Variants in GRM7 observed in about 807,000 individuals in gnomAD.
The protein encoded by GRM7 is glutamate metabotropic receptor 7.
Under a neutral mutation model 84.5 loss-of-function variants are expected in GRM7, and 35 were observed. That is an observed-to-expected ratio of 0.41 (90% CI 0.32 to 0.55). The LOEUF (loss-of-function observed/expected upper bound fraction) is 0.55. Among genes scored for constraint, GRM7 ranks in the 20% least tolerant of loss-of-function variants. The probability of loss-of-function intolerance (pLI) is 0.19; values close to 1 mark genes in which losing one functional copy is unlikely to be tolerated. For missense variants in GRM7, 1,003 were observed against 1,194.6 expected, an observed-to-expected ratio of 0.84 and a Z score of 2.36; for synonymous variants, 487 against 455.1, an observed-to-expected ratio of 1.07 and a Z score of -0.89.
At chr3:7,737,861 T>C (rs1702556260) in intron 9 of GRM7, among the ~76,000 whole-genome samples, 1 of 151,814 alleles carries the variant, frequency 6.6e-6, no homozygotes, top group African/African-American at 2.4e-5. Context: ...TTTTTTTTTT[T>C]TTTGACACAA....
chr3:7,073,757 G>A (rs527537337), intron 1 of GRM7, among the ~76,000 whole-genome samples: 62 of 152,224 alleles, frequency 4.1e-4, no homozygotes, highest in Admixed American at 9.8e-4. Flanking sequence ...TCTGATTAAC[G>A]TGAAGAGGTT....
chr3:7,311,388 CA>C (rs1700386875), intron 4 of GRM7, among the ~76,000 whole-genome samples: 1 of 150,126 alleles, frequency 6.7e-6, no homozygotes, highest in Non-Finnish European at 1.5e-5. Flanking sequence ...AACAGGCAGG[CA>C]GACCATACAT....
At chr3:7,229,759 A>ATATATATATATT (rs1434216248) in intron 2 of GRM7, among the ~76,000 whole-genome samples, 2 of 30,426 alleles carry the variant, frequency 6.6e-5, no homozygotes, top group Admixed American at 5.4e-4. Context: ...ATATATATAT[A>ATATATATATATT]TTTTTTTTTT....
At chr3:7,437,665 G>A (rs1018204367) in intron 5 of GRM7, among the ~76,000 whole-genome samples, 12 of 151,522 alleles carry the variant, frequency 7.9e-5, no homozygotes, top group East Asian at 1.9e-4. Context: ...GCTGATTCAC[G>A]TCTGCCTGGT....
At chr3:7,285,445 T>C (rs751636235) in intron 2 of GRM7, among the ~76,000 whole-genome samples, 1 of 152,258 alleles carries the variant, frequency 6.6e-6, no homozygotes, top group Admixed American at 6.5e-5. Context: ...AGATCATACA[T>C]GACAATCAAA....
intron 1 of GRM7, among the ~76,000 whole-genome samples, chr3:6,999,596 A>G (rs940587207): frequency 6.6e-6 from 1 of 152,190 alleles, no homozygotes; most frequent in African/African-American, 2.4e-5. Context: ...TAATTTATAA[A>G]GGAAAAAGGC....
At chr3:6,907,240 A>C (rs73017721) in intron 1 of GRM7, among the ~76,000 whole-genome samples, 5,700 of 152,252 alleles carry the variant, frequency 0.037, 154 homozygotes, top group Non-Finnish European at 0.055. Flanking sequence ...TTCTTGAAAA[A>C]ATAAAAATAC....
At chr3:7,272,851 T>G (rs557346164) in intron 2 of GRM7, among the ~76,000 whole-genome samples, 1 of 152,178 alleles carries the variant, frequency 6.6e-6, no homozygotes, top group South Asian at 2.1e-4. Flanking sequence ...TTTCATTGAT[T>G]TCTGCTCTAA....
At chr3:7,606,615 C>T (rs1696587002) in intron 8 of GRM7, among the ~76,000 whole-genome samples, 1 of 152,126 alleles carries the variant, frequency 6.6e-6, no homozygotes, top group South Asian at 2.1e-4. Flanking sequence ...CTCACTGCAA[C>T]CTCTGCCTCC....
intron 2 of GRM7, among the ~76,000 whole-genome samples, chr3:7,230,865 C>A (rs1364136030): frequency 6.6e-6 from 1 of 152,028 alleles, no homozygotes; most frequent in African/African-American, 2.4e-5. Flanking sequence ...TGCATAAAAC[C>A]CTTTTAGTAT....
rs79446627 is a variant in GRM7, at chr3:7,643,728, A to C, written c.2452-36321A>C. Among the ~76,000 whole-genome samples, 453 of 152,250 alleles carry C rather than the reference A, an allele frequency of 3.0e-3. 2 individuals are homozygous for C. The highest frequency in any genetic ancestry group is 0.01 in the African/African-American group (435 of 41,548). On this transcript the variant is annotated intron_variant, in intron 8 of 9. Transcript: ENST00000357716. ...CACTTTATAAATCATCAAGCATCCA[A>C]ATAAGAGGTTATTAATATCACTATC...
chr3:7,639,812 A>C (rs1002727772), intron 8 of GRM7, among the ~76,000 whole-genome samples: 31 of 152,152 alleles, frequency 2.0e-4, no homozygotes, highest in African/African-American at 7.5e-4. Context: ...GCCCACAACA[A>C]GATATAGATT....
chr3:7,114,353 T>C (rs1177234412), intron 1 of GRM7, among the ~76,000 whole-genome samples: 1 of 152,168 alleles, frequency 6.6e-6, no homozygotes, highest in Non-Finnish European at 1.5e-5. Context: ...TTGTTAAAAA[T>C]AATAATCATT....
chr3:7,586,376 C>T (rs962441304), intron 8 of GRM7, among the ~76,000 whole-genome samples: 8 of 149,338 alleles, frequency 5.4e-5, no homozygotes, highest in African/African-American at 2.0e-4. Context: ...AAGACTTGTA[C>T]ATGAGGGGTT....
At chr3:7,134,073 C>A (rs1693691632) in intron 1 of GRM7, among the ~76,000 whole-genome samples, 1 of 152,110 alleles carries the variant, frequency 6.6e-6, no homozygotes, top group South Asian at 2.1e-4. Flanking sequence ...TAGCACCAGA[C>A]AAAATAGCAA....
At chr3:7,714,345 A>G (rs868646413) in intron 9 of GRM7, among the ~76,000 whole-genome samples, 6 of 152,328 alleles carry the variant, frequency 3.9e-5, no homozygotes, top group Middle Eastern at 6.8e-3. Context: ...TCCCAGATTT[A>G]AACAGTCATG....
intron 1 of GRM7, among the ~76,000 whole-genome samples, chr3:6,961,712 AT>A (rs1229269446): frequency 6.6e-6 from 1 of 152,136 alleles, no homozygotes; most frequent in Non-Finnish European, 1.5e-5. Context: ...GCCCAGCTGC[AT>A]TTTCCCATGG....
In GRM7 at chr3:7,369,292, G is replaced by GT. The variant is rs540883088; in HGVS notation, c.1034-45731_1034-45730insT. 4.3e-4 allele frequency among the ~76,000 whole-genome samples: 65 copies of GT among 152,144 alleles called. 2 individuals carry two copies. In the East Asian group the frequency reaches 0.013, roughly 29 times the overall value. On this transcript the variant is annotated intron_variant, in intron 4 of 9. Transcript: ENST00000357716. Reference sequence around the variant, plus strand: ...TGTTCTTGAACTCATGGCCTCAAGCGATCCTAAAGAGATGACTCTGATGTT... The same window carrying GT: ...TGTTCTTGAACTCATGGCCTCAAGCGTATCCTAAAGAGATGACTCTGATGTT...
chr3:7,129,875 A>G (rs1379569207), intron 1 of GRM7, among the ~76,000 whole-genome samples: 6 of 152,234 alleles, frequency 3.9e-5, no homozygotes, highest in Non-Finnish European at 8.8e-5. Context: ...AAACCGGTAA[A>G]TAATTGGTAT....
Sources: gnomAD v4.1 joint callset for allele counts (sites outside exome capture counted in the v4.1 genomes callset) on GRCh38, gnomAD v4.1.1 for gene constraint, MANE v1.5 for transcripts, NCBI Gene and HGNC (gene_info 2026-07-23, HGNC 2026-07-21) for gene names.